The following AFF3 variants were observed in gnomAD, a reference collection of about 807,000 sequenced individuals.
AFF3 encodes the protein ALF transcription elongation factor 3, also known as AF4/FMR2 family member 3.
Under a neutral mutation model 129.7 loss-of-function variants are expected in AFF3, and 32 were observed. That is an observed-to-expected ratio of 0.25 (90% confidence interval 0.19 to 0.33). The LOEUF (loss-of-function observed/expected upper bound fraction) is 0.33, where lower values mean the gene tolerates loss of function less well. AFF3 is among the 10% of genes least tolerant of loss of function. AFF3 has a pLI of 1.00. For missense variants in AFF3, 1,373 were observed against 1,592.0 expected, an observed-to-expected ratio of 0.86 and a Z score of 2.34; for synonymous variants, 644 against 635.4, an observed-to-expected ratio of 1.01 and a Z score of -0.20.
rs771277497 is a variant in AFF3, at chr2:99,593,147, A to G, written c.2466+48T>C. 2.2e-5 allele frequency: 34 copies of G among 1,520,884 alleles called. 1 individual carries two copies. In the South Asian group the frequency reaches 4.2e-4, roughly 19 times the overall value. 94.2% of individuals were successfully genotyped at this position (1,520,884 alleles called of 1,614,324 possible). A position where few individuals can be genotyped will look rare whatever the true frequency, so the allele number is the denominator to read the frequency against. Reference sequence around the variant, plus strand: ...TCCAAGTACCCACAAGTTAAGAGATAGCCCCTTCCCCTCCACGCCCCCGCA... The same window carrying G: ...TCCAAGTACCCACAAGTTAAGAGATGGCCCCTTCCCCTCCACGCCCCCGCA... On this transcript the variant is annotated intron_variant, in intron 15 of 24. Transcript: ENST00000672756.
At chr2:99,777,845 T>C (rs953003380) in intron 8 of AFF3, among the ~76,000 whole-genome samples, 7 of 147,178 alleles carry the variant, frequency 4.8e-5, no homozygotes, top group African/African-American at 1.8e-4. Context: ...ACAGAGCAGA[T>C]GCGCCACAGG....
chr2:100,030,066 AAATAATAAT>A (rs70940193), intron 4 of AFF3, among the ~76,000 whole-genome samples: 48 of 147,812 alleles, frequency 3.2e-4, no homozygotes, highest in African/African-American at 5.2e-4. Context: ...GACTGTCTCA[AAATAATAAT>A]AATAATAATA....
intron 13 of AFF3, among the ~76,000 whole-genome samples, chr2:99,628,861 C>T (rs1158964026): frequency 6.6e-6 from 1 of 151,992 alleles, no homozygotes; most frequent in East Asian, 1.9e-4. Flanking sequence ...GCTGGGATTA[C>T]AGGCGCGTGC....
chr2:99,610,488 A>G (rs1476057245), intron 13 of AFF3, among the ~76,000 whole-genome samples: 2 of 152,212 alleles, frequency 1.3e-5, no homozygotes, highest in African/African-American at 4.8e-5. Flanking sequence ...AGAGCCATCC[A>G]TGATTTTTAA....
Position 99,620,274 on chromosome 2 carries a change from C to T in AFF3, c.1185-18653G>A, listed in dbSNP as rs1190398684. Among the ~76,000 whole-genome samples, 7 of 152,288 alleles carry T rather than the reference C, an allele frequency of 4.6e-5. 1 individual carries two copies. The South Asian group carries it at 1.5e-3, about 32-fold the overall frequency. On this transcript the variant is annotated intron_variant, in intron 13 of 24. Coordinates refer to ENST00000672756, the MANE Select transcript of AFF3 (RefSeq NM_001386135.1). ...ACCCACATGAAGAGATGGGCTTGGA[C>T]TAGATGATTTCTGTGGTCCGTCACT...
intron 7 of AFF3, among the ~76,000 whole-genome samples, chr2:99,972,771 C>CT (rs1186737858): frequency 6.6e-6 from 1 of 152,156 alleles, no homozygotes; most frequent in East Asian, 1.9e-4. Flanking sequence ...TGGTCGGGAA[C>CT]TTTAAGCATG....
chr2:99,866,622 G>C (rs996306840), intron 7 of AFF3, among the ~76,000 whole-genome samples: 4 of 131,672 alleles, frequency 3.0e-5, no homozygotes, highest in African/African-American at 9.9e-5. Flanking sequence ...AATCAGACTG[G>C]AAGAGTCTGG....
At chr2:99,621,558 C>T (rs747021596) in intron 13 of AFF3, among the ~76,000 whole-genome samples, 6 of 152,170 alleles carry the variant, frequency 3.9e-5, no homozygotes, top group Non-Finnish European at 8.8e-5. Flanking sequence ...GCTCTGCAAC[C>T]ATATGTGCCT....
intron 7 of AFF3, among the ~76,000 whole-genome samples, chr2:99,919,693 A>C (rs906130392): frequency 6.6e-6 from 1 of 152,186 alleles, no homozygotes; most frequent in African/African-American, 2.4e-5. Context: ...AAATTAAACC[A>C]AAAGTATGCA....
chr2:100,009,056 G>A lies in AFF3; in HGVS notation c.54-124C>T, dbSNP rs766942808. ...AAATGGTGATGACAACAAGAACATGGATGAGACAAAAGCCAGAGTCATCAG... is the reference window on the plus strand; with the variant it reads ...AAATGGTGATGACAACAAGAACATGAATGAGACAAAAGCCAGAGTCATCAG... On this transcript the variant is annotated intron_variant, in intron 4 of 24. Transcript: ENST00000672756. The A allele has an allele frequency of 2.6e-5, 35 of 1,324,610 alleles. No individual in the cohort carries two copies. In the Admixed American group the frequency reaches 4.6e-4, roughly 17 times the overall value. The allele number at this position is 1,324,610 out of a possible 1,614,324, so 82.1% of individuals were successfully genotyped here.
chr2:99,777,222 G>A (rs556129066), intron 8 of AFF3, among the ~76,000 whole-genome samples: 1 of 152,242 alleles, frequency 6.6e-6, no homozygotes, highest in East Asian at 1.9e-4. Context: ...TTCCTACCCA[G>A]GTCCTCTCAT....
intron 1 of AFF3, among the ~76,000 whole-genome samples, chr2:100,136,678 C>G (rs899980898): frequency 6.6e-6 from 1 of 152,130 alleles, no homozygotes; most frequent in Admixed American, 6.5e-5. Flanking sequence ...CACACTTCCT[C>G]TTTTTCTCAT....
intron 8 of AFF3, among the ~76,000 whole-genome samples, chr2:99,783,663 C>T (rs190786432): frequency 6.0e-4 from 91 of 152,370 alleles, no homozygotes; most frequent in Non-Finnish European, 1.0e-3. Context: ...AGCCTGACTG[C>T]TTTTCTGGAA....
intron 17 of AFF3, among the ~76,000 whole-genome samples, chr2:99,579,030 C>T (rs1575411011): frequency 6.6e-6 from 1 of 152,224 alleles, no homozygotes; most frequent in South Asian, 2.1e-4. Flanking sequence ...GTCAACCAGT[C>T]ACTCATCTCA....
At chr2:99,687,329 G>A (rs567892551) in intron 11 of AFF3, among the ~76,000 whole-genome samples, 3 of 152,330 alleles carry the variant, frequency 2.0e-5, no homozygotes, top group African/African-American at 7.2e-5. Flanking sequence ...GTAGTGTCAG[G>A]CTAGGGAAAC....
intron 8 of AFF3, among the ~76,000 whole-genome samples, chr2:99,796,861 C>G (rs1055581038): frequency 2.0e-5 from 3 of 152,126 alleles, no homozygotes; most frequent in African/African-American, 7.2e-5. Context: ...ATTAACAGGG[C>G]ATTGGATAGA....
At chr2:99,892,105 A>T (rs774133775) in intron 7 of AFF3, among the ~76,000 whole-genome samples, 17 of 152,108 alleles carry the variant, frequency 1.1e-4, no homozygotes, top group South Asian at 2.1e-4. Context: ...TACAGGCATG[A>T]GCCACCACAC....
chr2:99,772,481 A>T (rs1200200511), intron 8 of AFF3, among the ~76,000 whole-genome samples: 1 of 152,230 alleles, frequency 6.6e-6, no homozygotes, highest in African/African-American at 2.4e-5. Flanking sequence ...CTTCTCAGGG[A>T]GAGAAACAGA....
intron 22 of AFF3, among the ~76,000 whole-genome samples, chr2:99,558,650 A>T (rs1415450541): frequency 1.3e-5 from 2 of 152,134 alleles, no homozygotes; most frequent in African/African-American, 4.8e-5. Context: ...TAAAAATAAA[A>T]AAATAAAAAT....
Sources: gnomAD v4.1 joint callset for allele counts (sites outside exome capture counted in the v4.1 genomes callset) on GRCh38, gnomAD v4.1.1 for gene constraint, MANE v1.5 for transcripts, NCBI Gene and HGNC (gene_info 2026-07-23, HGNC 2026-07-21) for gene names.